CSMD2: variants seen among roughly 807,000 people sequenced by gnomAD.
CSMD2 encodes the protein CUB and Sushi multiple domains 2, also known as CUB and sushi domain-containing protein 2.
Under a neutral mutation model 398.5 loss-of-function variants are expected in CSMD2, and 130 were observed. The observed-to-expected ratio is 0.33, with a 90% CI of 0.28 to 0.38. CSMD2 has a LOEUF of 0.38. CSMD2 is among the 10% of genes least tolerant of loss of function. CSMD2 has a pLI of 1.00. For synonymous variants in CSMD2, 1,828 were observed against 1,908.5 expected, an observed-to-expected ratio of 0.96 and a Z score of 1.10; for missense variants, 3,829 against 4,764.9, an observed-to-expected ratio of 0.80 and a Z score of 5.78.
rs559888538 is a variant in CSMD2 at position 33,923,188 on chromosome 1, T to C, written c.713-4887A>G. ...ATAGTTTGAATGTCCCTCCCAAATC[T>C]CACGTTGAAATGTAATCTCCAATAC... On this transcript the variant is annotated intron_variant, in intron 4 of 70. Coordinates refer to ENST00000373381, the MANE Select transcript of CSMD2 (RefSeq NM_001281956.2). Among the ~76,000 whole-genome samples the C allele has an allele frequency of 3.3e-5, 5 of 152,282 alleles. No individual in the cohort carries two copies. The South Asian group carries it at 1.0e-3, about 32-fold the overall frequency.
At chr1:33,682,896 G>A (rs1644952318) in intron 25 of CSMD2, among the ~76,000 whole-genome samples, 1 of 152,042 alleles carries the variant, frequency 6.6e-6, no homozygotes, top group African/African-American at 2.4e-5. Flanking sequence ...GAAATTCAAC[G>A]ACTCCTTTCA....
At chr1:33,664,290 C>T (rs1474497689) in intron 25 of CSMD2, among the ~76,000 whole-genome samples, 1 of 152,034 alleles carries the variant, frequency 6.6e-6, no homozygotes, top group Non-Finnish European at 1.5e-5. Flanking sequence ...CAAAATGAGA[C>T]ATATTTTATG....
intron 68 of CSMD2, 22 bp downstream of exon 68, chr1:33,521,441 C>G: frequency 4.6e-5 from 42 of 906,194 alleles, no homozygotes; most frequent in Middle Eastern, 2.3e-4. Context: ...GCCCACACTT[C>G]CGGGGGACAA....
rs60733725 is a variant in CSMD2 at position 34,130,389 on chromosome 1, CAAAAAAAAA to C, written c.187+34513_187+34521del. Among the ~76,000 whole-genome samples, 3 of 58,500 alleles carry C rather than the reference CAAAAAAAAA, an allele frequency of 5.1e-5. No individual in the cohort carries two copies. In the Admixed American group the frequency reaches 8.9e-4, roughly 17 times the overall value. The allele number at this position is 58,500 out of a possible 152,430, so 38.4% of individuals were successfully genotyped here. On this transcript the variant is annotated intron_variant, in intron 1 of 70. Coordinates refer to ENST00000373381, the MANE Select transcript of CSMD2 (RefSeq NM_001281956.2). ...AACAGCAGGAAGAAATGTCTGGAGGCAAAAAAAAAAAAAAAAAAAAAGTTTGTTGTTTTC... is the reference window on the plus strand; with the variant it reads ...AACAGCAGGAAGAAATGTCTGGAGGCAAAAAAAAAAAAGTTTGTTGTTTTC...
intron 5 of CSMD2, among the ~76,000 whole-genome samples, chr1:33,906,853 G>A (rs1368011936): frequency 1.3e-5 from 2 of 152,054 alleles, no homozygotes; most frequent in Non-Finnish European, 2.9e-5. Context: ...GAGATGTGTG[G>A]AGTGAGCAGA....
chr1:33,570,166 C>CTTTTTTTT (rs5773416), intron 51 of CSMD2, among the ~76,000 whole-genome samples: 209 of 117,268 alleles, frequency 1.8e-3, no homozygotes, highest in East Asian at 3.1e-3. Flanking sequence ...CGGACATTGG[C>CTTTTTTTT]TTTTTTTTTT....
chr1:33,835,863 C>T (rs1032407567), intron 6 of CSMD2, among the ~76,000 whole-genome samples: 37 of 152,108 alleles, frequency 2.4e-4, no homozygotes, highest in Non-Finnish European at 4.6e-4. Flanking sequence ...TCTCTTAACT[C>T]GTCAAAGTCA....
chr1:33,820,629 T>A, intron 7 of CSMD2, 73 bp from the exon 8 acceptor site: 1 of 1,004,012 alleles, frequency 1.0e-6, no homozygotes, highest in Non-Finnish European at 1.5e-6. Context: ...AGGCACCAGC[T>A]GGGGCAATGT....
chr1:33,720,936 G>GGTGATC (rs1646339554), intron 19 of CSMD2, among the ~76,000 whole-genome samples: 1 of 152,138 alleles, frequency 6.6e-6, no homozygotes, highest in Non-Finnish European at 1.5e-5. Flanking sequence ...CCCAACCTCA[G>GGTGATC]GTGATCTGCC....
chr1:33,885,000 A>G (rs1056430479), intron 5 of CSMD2: 36 of 152,244 alleles, frequency 2.4e-4, no homozygotes, highest in African/African-American at 8.4e-4. Context: ...AACAACTGTT[A>G]TAATTATTGC....
At chr1:33,569,655 G>T in intron 51 of CSMD2, 108 bp from the exon 52 acceptor site, 1 of 1,136,394 alleles carries the variant, frequency 8.8e-7, no homozygotes. Context: ...ACCTTACTCT[G>T]CTGGAATTCC....
intron 2 of CSMD2, among the ~76,000 whole-genome samples, chr1:34,063,742 C>T (rs1654790256): frequency 6.6e-6 from 1 of 152,228 alleles, no homozygotes; most frequent in African/African-American, 2.4e-5. Flanking sequence ...CCTCTTCTCA[C>T]AGCTCCACTA....
At chr1:33,670,551 T>C (rs1356412675) in intron 25 of CSMD2, among the ~76,000 whole-genome samples, 1 of 151,866 alleles carries the variant, frequency 6.6e-6, no homozygotes, top group Non-Finnish European at 1.5e-5. Context: ...CTTACAGCTG[T>C]ATCTTTGGTG....
At chr1:33,819,631 C>A in intron 9 of CSMD2, 82 bp downstream of exon 9, 1 of 1,322,490 alleles carries the variant, frequency 7.6e-7, no homozygotes, top group Non-Finnish European at 1.1e-6. Flanking sequence ...AGAGCCTGGG[C>A]CTCAGGTGCT....
In CSMD2 at chr1:33,700,499, G is replaced by A. The variant is rs1645575605; in HGVS notation, c.3733+18C>T. 6.2e-7 allele frequency: 1 copy of A among 1,613,418 alleles called. No individual in the cohort carries two copies. The highest frequency in any genetic ancestry group is 8.5e-7 in the Non-Finnish European group (1 of 1,179,522). ...AAACCCTGACTTCCTTGTCCACACA[G>A]ATGCAAGAAAGACTTACTGGAAAAG... On this transcript the variant is annotated intron_variant, in intron 23 of 70. Coordinates refer to ENST00000373381, the MANE Select transcript of CSMD2 (RefSeq NM_001281956.2).
intron 32 of CSMD2, among the ~76,000 whole-genome samples, chr1:33,630,931 C>T (rs1183873052): frequency 3.3e-5 from 5 of 152,056 alleles, no homozygotes; most frequent in Non-Finnish European, 5.9e-5. Flanking sequence ...GTGAATACAT[C>T]GCTGTAAACA....
intron 3 of CSMD2, among the ~76,000 whole-genome samples, chr1:33,978,724 A>G (rs1646057681): frequency 6.6e-6 from 1 of 152,178 alleles, no homozygotes; most frequent in African/African-American, 2.4e-5. Flanking sequence ...GATGCTTACG[A>G]GCCACCTAGC....
At chr1:33,557,605 C>T (rs1320261146) in intron 55 of CSMD2, 129 bp downstream of exon 55, 5 of 859,004 alleles carry the variant, frequency 5.8e-6, no homozygotes, top group Non-Finnish European at 7.0e-6. Flanking sequence ...TAAGGCAACT[C>T]ATACATGTGC....
rs575962017 is a variant in CSMD2, at chr1:33,981,526, T to C, written c.518-45572A>G. ...TTTGAGTACTTTTACCTATACTTTC[T>C]CATTTGATCGTCATAACAACCCCTT... On this transcript the variant is annotated intron_variant, in intron 3 of 70. Coordinates refer to ENST00000373381, the MANE Select transcript of CSMD2 (RefSeq NM_001281956.2). Among the ~76,000 whole-genome samples, 7 of 152,350 alleles carry C rather than the reference T, an allele frequency of 4.6e-5. No homozygotes were observed. In the South Asian group the frequency reaches 1.5e-3, roughly 32 times the overall value.
Sources: gnomAD v4.1 joint callset for allele counts (sites outside exome capture counted in the v4.1 genomes callset) on GRCh38, gnomAD v4.1.1 for gene constraint, MANE v1.5 for transcripts, NCBI Gene and HGNC (gene_info 2026-07-23, HGNC 2026-07-21) for gene names.